The following JAZF1 variants were observed in gnomAD, a reference collection of about 807,000 sequenced individuals.
JAZF1 encodes juxtaposed with another zinc finger protein 1.
Under a neutral mutation model 26.4 loss-of-function variants are expected in JAZF1, and 8 were observed. The observed-to-expected ratio is 0.30, with a 90% CI of 0.18 to 0.55. JAZF1 has a LOEUF of 0.55. Among genes scored for constraint, JAZF1 ranks in the 20% least tolerant of loss-of-function variants. JAZF1 has a pLI of 0.94. For missense variants in JAZF1, 199 were observed against 322.0 expected (o/e 0.62, Z 2.92); for synonymous variants, 126 against 122.3 (o/e 1.03, Z -0.20).
At chr7:28,050,224 G>T (rs1373099316) in intron 1 of JAZF1, among the ~76,000 whole-genome samples, 3 of 152,178 alleles carry the variant, frequency 2.0e-5, no homozygotes, top group African/African-American at 7.2e-5. Context: ...GGTTTTAGGA[G>T]CTCTGTGCCA....
intron 1 of JAZF1, among the ~76,000 whole-genome samples, chr7:28,115,586 A>G (rs1343623821): frequency 6.6e-6 from 1 of 152,248 alleles, no homozygotes; most frequent in African/African-American, 2.4e-5. Context: ...GCCCTTGGAC[A>G]TATGTTGAAT....
chr7:27,955,386 A>G (rs1314991229), intron 2 of JAZF1, among the ~76,000 whole-genome samples: 5 of 152,116 alleles, frequency 3.3e-5, no homozygotes, highest in Non-Finnish European at 7.4e-5. Flanking sequence ...TTCCAATCGA[A>G]CTGCAATGAT....
intron 1 of JAZF1, among the ~76,000 whole-genome samples, chr7:28,003,309 G>A (rs1782635430): frequency 6.6e-6 from 1 of 152,062 alleles, no homozygotes; most frequent in Admixed American, 6.5e-5. Flanking sequence ...AATCACCACA[G>A]CCTCTGTGGC....
chr7:27,952,860 T>C (rs1785034437), intron 2 of JAZF1, among the ~76,000 whole-genome samples: 1 of 152,230 alleles, frequency 6.6e-6, no homozygotes, highest in African/African-American at 2.4e-5. Context: ...GGATTTGAAG[T>C]CATCTGCTAT....
At chr7:28,166,592 T>C (rs1783371166) in intron 1 of JAZF1, among the ~76,000 whole-genome samples, 1 of 152,248 alleles carries the variant, frequency 6.6e-6, no homozygotes, top group Non-Finnish European at 1.5e-5. Flanking sequence ...GTAATAATTA[T>C]GTTTTCTGCT....
In JAZF1 at chr7:27,879,611, A is replaced by G. The variant is rs571376651; in HGVS notation, c.385+15609T>C. Among the ~76,000 whole-genome samples, 4 of 152,340 alleles carry G rather than the reference A, an allele frequency of 2.6e-5. No homozygotes were observed. In the South Asian group the frequency reaches 8.3e-4, roughly 32 times the overall value. ...ATGGTCTAAAACTTGGTGGAATATTAGAAAGTAACCATTTAAAAGGGTGGG... is the reference window on the plus strand; with the variant it reads ...ATGGTCTAAAACTTGGTGGAATATTGGAAAGTAACCATTTAAAAGGGTGGG... On this transcript the variant is annotated intron_variant, in intron 3 of 4. Coordinates refer to ENST00000283928, the MANE Select transcript of JAZF1 (RefSeq NM_175061.4).
At chr7:27,927,923 C>T (rs934990606) in intron 2 of JAZF1, among the ~76,000 whole-genome samples, 4 of 152,114 alleles carry the variant, frequency 2.6e-5, no homozygotes, top group African/African-American at 7.2e-5. Flanking sequence ...TCTCATTTTA[C>T]ATGTACTTGA....
At chr7:27,888,538 G>A (rs1478005153) in intron 3 of JAZF1, among the ~76,000 whole-genome samples, 1 of 152,108 alleles carries the variant, frequency 6.6e-6, no homozygotes, top group Non-Finnish European at 1.5e-5. Flanking sequence ...AATTCTATCA[G>A]TCCTGTAAGT....
intron 2 of JAZF1, among the ~76,000 whole-genome samples, chr7:27,968,795 G>A (rs1785321707): frequency 6.6e-6 from 1 of 152,006 alleles, no homozygotes; most frequent in African/African-American, 2.4e-5. Flanking sequence ...GAATCTGGTT[G>A]GTGTTGAACA....
rs533508735 is a variant in JAZF1, at chr7:28,069,857, A to T, written c.116-77876T>A. On this transcript the variant is annotated intron_variant, in intron 1 of 4. Coordinates refer to ENST00000283928, the MANE Select transcript of JAZF1 (RefSeq NM_175061.4). ...CATGCCCCCAAGTTTGAACAAACTC[A>T]TACTTGTCCCCTAAGAAGTCCCTGT... Among the ~76,000 whole-genome samples the T allele has an allele frequency of 5.3e-5, 8 of 152,230 alleles. No homozygotes were observed. In the East Asian group the frequency reaches 1.4e-3, roughly 26 times the overall value.
At chr7:27,926,181 T>C (rs1784599217) in intron 2 of JAZF1, among the ~76,000 whole-genome samples, 1 of 152,234 alleles carries the variant, frequency 6.6e-6, no homozygotes, top group Non-Finnish European at 1.5e-5. Flanking sequence ...ACCATCTTCC[T>C]GGACACAGTA....
At chr7:28,105,391 T>G (rs1425038123) in intron 1 of JAZF1, among the ~76,000 whole-genome samples, 1 of 152,166 alleles carries the variant, frequency 6.6e-6, no homozygotes, top group African/African-American at 2.4e-5. Context: ...TGACTCCTGG[T>G]GAGGAAGGTA....
intron 1 of JAZF1, among the ~76,000 whole-genome samples, chr7:28,120,749 A>C (rs1782589670): frequency 1.3e-5 from 2 of 152,166 alleles, no homozygotes; most frequent in South Asian, 4.2e-4. Flanking sequence ...AGCCACCCCA[A>C]GTGGGAGATT....
At chr7:27,942,259 C>T (rs1383122219) in intron 2 of JAZF1, among the ~76,000 whole-genome samples, 1 of 152,224 alleles carries the variant, frequency 6.6e-6, no homozygotes, top group Non-Finnish European at 1.5e-5. Flanking sequence ...CGCAGCCTTC[C>T]TCCTTCACCC....
intron 1 of JAZF1, among the ~76,000 whole-genome samples, chr7:28,120,071 G>C (rs1784813938): frequency 6.6e-6 from 1 of 151,956 alleles, no homozygotes; most frequent in Non-Finnish European, 1.5e-5. Context: ...CCTCCACAAA[G>C]ACTCTCGTAG....
In JAZF1 at chr7:27,831,858, G is replaced by A; in HGVS notation, c.*942C>T. The A allele has an allele frequency of 9.1e-6, 2 of 219,058 alleles. No homozygotes were observed. Among genetic ancestry groups the A allele is most frequent in the Non-Finnish European group, 1.8e-5 (2 of 108,952 alleles). The allele number at this position is 219,058 out of a possible 1,614,324, so 13.6% of individuals were successfully genotyped here. A position where few individuals can be genotyped will look rare whatever the true frequency, so the allele number is the denominator to read the frequency against. The stretch of plus-strand genomic sequence containing the variant: ...ATTGGCAACACATAAACATTAAATT[G>A]TTGGCAATAGAGAACTACAAAGTGC... On this transcript the variant is annotated 3_prime_UTR_variant, in exon 5 of 5. Transcript: ENST00000283928.
At chr7:27,924,515 T>C (rs748312272) in intron 2 of JAZF1, among the ~76,000 whole-genome samples, 1 of 152,324 alleles carries the variant, frequency 6.6e-6, no homozygotes, top group Non-Finnish European at 1.5e-5. Context: ...TAAAAACTTT[T>C]CACAATCTCT....
At chr7:27,887,019 A>G (rs1783880048) in intron 3 of JAZF1, among the ~76,000 whole-genome samples, 1 of 152,210 alleles carries the variant, frequency 6.6e-6, no homozygotes, top group Admixed American at 6.5e-5. Context: ...CAAATACTGC[A>G]TGTTCTTACT....
chr7:28,064,303 C>T (rs1783846032), intron 1 of JAZF1, among the ~76,000 whole-genome samples: 1 of 151,784 alleles, frequency 6.6e-6, no homozygotes, highest in Non-Finnish European at 1.5e-5. Flanking sequence ...CAGCAGGAAA[C>T]CAACATAAAA....
Sources: gnomAD v4.1 joint callset for allele counts (sites outside exome capture counted in the v4.1 genomes callset) on GRCh38, gnomAD v4.1.1 for gene constraint, MANE v1.5 for transcripts, NCBI Gene and HGNC (gene_info 2026-07-23, HGNC 2026-07-21) for gene names.